The following RFX3 variants were observed in gnomAD, a reference collection of about 807,000 sequenced individuals.
The protein encoded by RFX3 is regulatory factor X3, also known as transcription factor RFX3.
A neutral mutation model predicts 98.6 loss-of-function variants in RFX3; 14 were observed. The observed-to-expected ratio is 0.14, with a 90% CI of 0.09 to 0.22. RFX3 has a LOEUF of 0.22. Ranked by LOEUF, RFX3 falls within the 10% of genes least tolerant of loss-of-function variation. The probability of loss-of-function intolerance (pLI) is 1.00; values close to 1 mark genes in which losing one functional copy is unlikely to be tolerated. For missense variants in RFX3, 639 were observed against 926.9 expected (o/e 0.69, Z 4.03); for synonymous variants, 383 against 328.4 (o/e 1.17, Z -1.80).
At chr9:3,254,962 T>C (rs1026176970) in intron 14 of RFX3, among the ~76,000 whole-genome samples, 1 of 152,120 alleles carries the variant, frequency 6.6e-6, no homozygotes, top group Non-Finnish European at 1.5e-5. Context: ...GGGCTAAAGG[T>C]GTTAAATATA....
chr9:3,370,528 T>G (rs1837722580), intron 2 of RFX3, among the ~76,000 whole-genome samples: 1 of 151,720 alleles, frequency 6.6e-6, no homozygotes, highest in South Asian at 2.1e-4. Flanking sequence ...ATCAGAACAG[T>G]GTTTGTTTCT....
intron 1 of RFX3, among the ~76,000 whole-genome samples, chr9:3,481,449 T>G (rs771868775): frequency 1.1e-4 from 16 of 151,730 alleles, no homozygotes; most frequent in Non-Finnish European, 1.9e-4. Flanking sequence ...ACCTTCCACA[T>G]CAAGAAAATA....
At chr9:3,286,701 C>A (rs2131564360) in intron 7 of RFX3, among the ~76,000 whole-genome samples, 1 of 152,026 alleles carries the variant, frequency 6.6e-6, no homozygotes, top group South Asian at 2.1e-4. Flanking sequence ...ATTAGCTTTA[C>A]ATACAAGCAA....
intron 4 of RFX3, among the ~76,000 whole-genome samples, chr9:3,328,023 G>A (rs897977717): frequency 6.6e-6 from 1 of 152,184 alleles, no homozygotes; most frequent in Non-Finnish European, 1.5e-5. Flanking sequence ...CCCAGTTGAT[G>A]AGGATGTTAA....
intron 2 of RFX3, among the ~76,000 whole-genome samples, chr9:3,379,704 A>C (rs1471835803): frequency 1.3e-5 from 2 of 152,170 alleles, no homozygotes; most frequent in Admixed American, 6.5e-5. Flanking sequence ...GAATACATCC[A>C]TATACCACAC....
At chr9:3,305,791 T>C (rs973038537) in intron 4 of RFX3, among the ~76,000 whole-genome samples, 4 of 152,054 alleles carry the variant, frequency 2.6e-5, no homozygotes, top group African/African-American at 9.7e-5. Context: ...AGGATAAGTT[T>C]CTACCAGTCT....
At chr9:3,484,133 A>G (rs1419435342) in intron 1 of RFX3, among the ~76,000 whole-genome samples, 2 of 152,350 alleles carry the variant, frequency 1.3e-5, no homozygotes, top group South Asian at 2.1e-4. Flanking sequence ...CATCTCACTT[A>G]GTTCAGGTTT....
intron 1 of RFX3, among the ~76,000 whole-genome samples, chr9:3,437,702 G>A (rs780967606): frequency 6.6e-5 from 10 of 152,044 alleles, no homozygotes; most frequent in African/African-American, 1.7e-4. Flanking sequence ...CTGATTTGCC[G>A]GTTTCAAAAC....
intron 15 of RFX3, among the ~76,000 whole-genome samples, chr9:3,236,166 C>T (rs1198257046): frequency 6.6e-6 from 1 of 152,144 alleles, no homozygotes; most frequent in Non-Finnish European, 1.5e-5. Flanking sequence ...GCCACTAGTA[C>T]ATTTGTACTT....
intron 1 of RFX3, among the ~76,000 whole-genome samples, chr9:3,433,300 C>G (rs1844820228): frequency 6.6e-6 from 1 of 152,158 alleles, no homozygotes; most frequent in African/African-American, 2.4e-5. Flanking sequence ...CCAACCCCTA[C>G]TCTTCCTCCT....
chr9:3,432,896 T>C (rs1844777414), intron 1 of RFX3, among the ~76,000 whole-genome samples: 1 of 152,114 alleles, frequency 6.6e-6, no homozygotes, highest in Admixed American at 6.6e-5. Flanking sequence ...AGAAACATTT[T>C]TAGAGAAAAG....
chr9:3,404,193 C>CA (rs1841745156), intron 1 of RFX3, among the ~76,000 whole-genome samples: 1 of 151,990 alleles, frequency 6.6e-6, no homozygotes, highest in Admixed American at 6.6e-5. Context: ...AGGTGGACCT[C>CA]AAAAAAACCT....
chr9:3,259,520 T>C (rs1283164983), intron 13 of RFX3, among the ~76,000 whole-genome samples: 4 of 139,862 alleles, frequency 2.9e-5, no homozygotes, highest in African/African-American at 7.9e-5. Flanking sequence ...AAAAAAAATA[T>C]CCAAAATGAA....
intron 1 of RFX3, among the ~76,000 whole-genome samples, chr9:3,516,055 AT>A (rs879285687): frequency 4.5e-4 from 67 of 148,924 alleles, no homozygotes; most frequent in Middle Eastern, 3.5e-3. Context: ...AAAAAAAAAA[AT>A]TTTTTTTTTT....
chr9:3,398,326 C>T (rs767833183), intron 1 of RFX3, among the ~76,000 whole-genome samples: 1 of 148,286 alleles, frequency 6.7e-6, no homozygotes, highest in African/African-American at 2.6e-5. Context: ...TTTCTTCTAC[C>T]ACAGACAGGA....
At chr9:3,510,216 G>T (rs987476481) in intron 1 of RFX3, among the ~76,000 whole-genome samples, 1 of 151,820 alleles carries the variant, frequency 6.6e-6, no homozygotes, top group Non-Finnish European at 1.5e-5. Context: ...GCTGAAGTTG[G>T]CCACTGAGAA....
intron 1 of RFX3, among the ~76,000 whole-genome samples, chr9:3,435,284 ACT>A (rs1270056411): frequency 1.3e-5 from 2 of 152,066 alleles, no homozygotes; most frequent in Non-Finnish European, 2.9e-5. Flanking sequence ...TAATTTTTTA[ACT>A]CTGACTCTTG....
intron 1 of RFX3, among the ~76,000 whole-genome samples, chr9:3,416,990 T>A (rs902787846): frequency 3.3e-5 from 5 of 151,892 alleles, no homozygotes; most frequent in Admixed American, 3.3e-4. Context: ...CTACAAGAAA[T>A]GCACTTTAAA....
Position 3,263,061 on chromosome 9 carries a change from G to C in RFX3, c.1479C>G (p.Ala493=). The C allele has an allele frequency of 1.2e-6, 2 of 1,613,640 alleles. No individual in the cohort carries two copies. The highest frequency in any genetic ancestry group is 2.7e-5 in the African/African-American group (2 of 74,990). Residue 493 remains alanine (A), a synonymous_variant, in exon 13 of 17, where the codon GCC becomes GCG. Transcript: ENST00000617270. ...GCGACGTGTATCTTCGCAGAGTCTG[G>C]GCAAAGGCACTTACAGCGGCAACCT... is the stretch of plus-strand genomic sequence containing the variant. The part of the protein sequence containing the change: ...QTKVAAVSAF[A]QTLRRYTSLN...
Sources: gnomAD v4.1 joint callset for allele counts (sites outside exome capture counted in the v4.1 genomes callset) on GRCh38, gnomAD v4.1.1 for gene constraint, MANE v1.5 for transcripts, NCBI Gene and HGNC (gene_info 2026-07-23, HGNC 2026-07-21) for gene names.